NCOA6: variants seen among roughly 807,000 people sequenced by gnomAD.
The protein encoded by NCOA6 is NRC RAP250.
In NCOA6, 49 loss-of-function variants were observed where a neutral mutation model predicts 171.4. The ratio of observed to expected loss-of-function variants is 0.29; its 90% confidence interval spans 0.23 to 0.36. The LOEUF is 0.36. Ranked by LOEUF, NCOA6 falls within the 10% of genes least tolerant of loss-of-function variation. The pLI, the probability that NCOA6 is intolerant of heterozygous loss-of-function variation, is 1.00. For missense variants in NCOA6, 2,248 were observed against 2,554.5 expected, an observed-to-expected ratio of 0.88 and a Z score of 2.59; for synonymous variants, 910 against 927.5, an observed-to-expected ratio of 0.98 and a Z score of 0.34.
intron 5 of NCOA6, among the ~76,000 whole-genome samples, chr20:34,761,158 G>A (rs1360302815): frequency 6.6e-6 from 1 of 152,088 alleles, no homozygotes; most frequent in Non-Finnish European, 1.5e-5. Context: ...CTGTTCTGTT[G>A]TTTTTTTGAT....
intron 14 of NCOA6, 137 bp from the exon 15 acceptor site, chr20:34,715,502 G>C: frequency 1.5e-6 from 1 of 659,062 alleles, no homozygotes; most frequent in Non-Finnish European, 2.8e-6. Flanking sequence ...GCTCTGAATG[G>C]AGAGAGTCAC....
intron 1 of NCOA6, among the ~76,000 whole-genome samples, chr20:34,806,805 A>C (rs993322673): frequency 3.3e-5 from 5 of 152,140 alleles, no homozygotes; most frequent in African/African-American, 1.2e-4. Flanking sequence ...TGGTTACAAT[A>C]GTTTTGTATA....
intron 3 of NCOA6, among the ~76,000 whole-genome samples, chr20:34,778,299 A>G (rs576360982): frequency 2.4e-4 from 37 of 152,352 alleles, no homozygotes; most frequent in Admixed American, 1.2e-3. Context: ...AGTCACAAAA[A>G]GGCAAAATTC....
In NCOA6 at chr20:34,741,014, A is replaced by G; in HGVS notation, c.5242T>C (p.Cys1748Arg). 6.2e-7 allele frequency: 1 copy of G among 1,614,204 alleles called. No homozygotes were observed. The highest frequency in any genetic ancestry group is 8.5e-7 in the Non-Finnish European group (1 of 1,180,030). The change falls in exon 11 of 15, where the codon TGT (cysteine) becomes CGT (arginine). Residue 1748 changes from cysteine (C) to arginine (R), a missense_variant. Physicochemically the swap from Cys to Arg is radical, Grantham distance 180. This residue lies in a region of NCOA6 where 884 missense variants were observed against 941.9 expected (regional missense o/e 0.94). Transcript: ENST00000359003. Reference protein sequence around the residue: ...ATPVQLPSPPCTSSPVVPSHP... With the variant: ...ATPVQLPSPPRTSSPVVPSHP... ...GAAGGGACAACTGGAGAAGACGTAC[A>G]AGGAGGGGAAGGAAGCTGAACAGGG...
chr20:34,746,468 C>T (rs2145646689), intron 10 of NCOA6, among the ~76,000 whole-genome samples: 1 of 152,296 alleles, frequency 6.6e-6, no homozygotes, highest in Middle Eastern at 3.4e-3. Context: ...GTCTTGAACA[C>T]TTGCGCTCAA....
rs529337908 is a variant in NCOA6 at position 34,750,145 on chromosome 20, G to A, written c.2050C>T (p.Leu684Phe). Reference protein sequence around the residue: ...PQRMTPPKQMLSQQGPQMMAP... With the variant: ...PQRMTPPKQMFSQQGPQMMAP... ...ATCATTTGTGGGCCCTGCTGGGAAAGCATCTGCTTGGGTGGGGTCATCCTT... is the reference window on the plus strand; with the variant it reads ...ATCATTTGTGGGCCCTGCTGGGAAAACATCTGCTTGGGTGGGGTCATCCTT... Residue 684 changes from leucine (L) to phenylalanine (F), a missense_variant, in exon 9 of 15, where the codon CTT (leucine) becomes TTT (phenylalanine). Coordinates refer to ENST00000359003, the MANE Select transcript of NCOA6 (RefSeq NM_014071.5). 1 of 1,613,968 alleles carries A rather than the reference G, an allele frequency of 6.2e-7. No individual in the cohort carries two copies. The highest frequency in any genetic ancestry group is 8.5e-7 in the Non-Finnish European group (1 of 1,179,884).
intron 13 of NCOA6, among the ~76,000 whole-genome samples, chr20:34,728,737 T>C (rs771612096): frequency 6.6e-6 from 1 of 152,196 alleles, no homozygotes; most frequent in Non-Finnish European, 1.5e-5. Flanking sequence ...CTAACGATAG[T>C]AGATTAGTTA....
intron 13 of NCOA6, among the ~76,000 whole-genome samples, chr20:34,731,417 A>C (rs998866362): frequency 6.6e-6 from 1 of 152,248 alleles, no homozygotes; most frequent in African/African-American, 2.4e-5. Flanking sequence ...GTTTGAATCT[A>C]ACCTTCACCA....
chr20:34,730,464 A>T (rs1207076292), intron 13 of NCOA6, among the ~76,000 whole-genome samples: 1 of 152,144 alleles, frequency 6.6e-6, no homozygotes, highest in East Asian at 1.9e-4. Flanking sequence ...TTTTATGGTC[A>T]ATGCTCAGGT....
At chr20:34,813,031 C>G (rs1047287224) in intron 1 of NCOA6, among the ~76,000 whole-genome samples, 1 of 151,526 alleles carries the variant, frequency 6.6e-6, no homozygotes, top group Admixed American at 6.6e-5. Context: ...TGGTGGAACA[C>G]CCCTATAATC....
In NCOA6 at chr20:34,740,833, C is replaced by T. The variant is rs370273117; in HGVS notation, c.5423G>A (p.Arg1808Gln). 1.8e-5 allele frequency: 29 copies of T among 1,614,062 alleles called. No individual in the cohort carries two copies. The highest frequency in any genetic ancestry group is 5.0e-5 in the Admixed American group (3 of 59,992). ...TNSPGSSGNR[R>Q]SPVSSSKGKG... ...GCCCTTACTAGACGAGACTGGGCTTCGCCGGTTGCCAGAGGACCCTGGACT... is the reference window on the plus strand; with the variant it reads ...GCCCTTACTAGACGAGACTGGGCTTTGCCGGTTGCCAGAGGACCCTGGACT... The change falls in exon 11 of 15, where the codon CGA (arginine) becomes CAA (glutamine). Residue 1808 changes from arginine (R) to glutamine (Q), a missense_variant. By Grantham distance (43) the Arg-to-Gln change is conservative. This residue lies in a region of NCOA6 where 884 missense variants were observed against 941.9 expected (regional missense o/e 0.94). Coordinates refer to ENST00000359003, the MANE Select transcript of NCOA6 (RefSeq NM_014071.5).
chr20:34,814,861 G>A (rs935846024), intron 1 of NCOA6, among the ~76,000 whole-genome samples: 1 of 152,188 alleles, frequency 6.6e-6, no homozygotes, highest in African/African-American at 2.4e-5. Flanking sequence ...CAAAGTGCTG[G>A]AATTACAGGT....
intron 2 of NCOA6, among the ~76,000 whole-genome samples, chr20:34,791,194 C>T (rs1182399146): frequency 6.6e-6 from 1 of 152,176 alleles, no homozygotes; most frequent in Non-Finnish European, 1.5e-5. Flanking sequence ...GCATTTCAAC[C>T]TGATGCATTT....
chr20:34,737,215 G>C (rs1360753852), intron 11 of NCOA6, among the ~76,000 whole-genome samples: 2 of 152,156 alleles, frequency 1.3e-5, no homozygotes, highest in African/African-American at 4.8e-5. Context: ...ACATAATTTT[G>C]TACTTTTCTA....
At chr20:34,803,653 T>A (rs563804106) in intron 1 of NCOA6, among the ~76,000 whole-genome samples, 1 of 152,186 alleles carries the variant, frequency 6.6e-6, no homozygotes, top group African/African-American at 2.4e-5. Context: ...AATCTAGGAA[T>A]CTAACCTAAT....
rs1020829004 is a variant in NCOA6 at position 34,741,385 on chromosome 20, A to C, written c.4871T>G (p.Leu1624Trp). 2.3e-5 allele frequency: 37 copies of C among 1,614,134 alleles called. No homozygotes were observed. The highest frequency in any genetic ancestry group is 2.8e-5 in the Non-Finnish European group (33 of 1,180,050). The change falls in exon 11 of 15, where the codon TTG becomes TGG. Residue 1624 changes from leucine to tryptophan, a missense_variant. By Grantham distance (61) the Leu-to-Trp change is moderately conservative (BLOSUM62 -2). Coordinates refer to ENST00000359003, the MANE Select transcript of NCOA6 (RefSeq NM_014071.5). ...AALPTHLQSA[L>W]MSTVVTMPNA... ...GGGCATTGTGACAACTGTTGACATCAATGCAGACTGCAAGTGAGTTGGCAA... is the reference window on the plus strand; with the variant it reads ...GGGCATTGTGACAACTGTTGACATCCATGCAGACTGCAAGTGAGTTGGCAA...
intron 12 of NCOA6, among the ~76,000 whole-genome samples, chr20:34,734,479 T>A (rs1241278059): frequency 6.6e-6 from 1 of 152,146 alleles, no homozygotes. Flanking sequence ...TACCTCAGCC[T>A]CCCAAGTAGT....
chr20:34,785,804 G>T (rs897504730), intron 2 of NCOA6, among the ~76,000 whole-genome samples: 2 of 149,876 alleles, frequency 1.3e-5, no homozygotes, highest in Non-Finnish European at 2.9e-5. Context: ...TATGTATCTA[G>T]ATCTGGAAAA....
chr20:34,739,385 T>G (rs191934506), intron 11 of NCOA6, among the ~76,000 whole-genome samples: 2 of 152,224 alleles, frequency 1.3e-5, no homozygotes, highest in Non-Finnish European at 2.9e-5. Context: ...CAAGCCCATA[T>G]AGCTGGTAAA....
Sources: gnomAD v4.1 joint callset for allele counts (sites outside exome capture counted in the v4.1 genomes callset) on GRCh38, gnomAD v4.1.1 for gene constraint, gnomAD v4.1.1 regional missense constraint, MANE v1.5 for transcripts, NCBI Gene and HGNC (gene_info 2026-07-23, HGNC 2026-07-21) for gene names.